The following ATP11C variants were observed in gnomAD, a reference collection of about 807,000 sequenced individuals.
ATP11C encodes ATPase phospholipid transporting 11C (ATP11C blood group), also known as phospholipid-transporting ATPase IG.
ATP11C carries 36 observed loss-of-function variants against 97.4 expected under a neutral mutation model. The observed-to-expected ratio is 0.37, with a 90% confidence interval of 0.28 to 0.49. The LOEUF (loss-of-function observed/expected upper bound fraction) is 0.49, where lower values mean the gene tolerates loss of function less well. ATP11C is among the 20% of genes least tolerant of loss of function. The pLI is 0.98. For synonymous variants in ATP11C, 275 were observed against 290.9 expected (o/e 0.95, Z 0.56); for missense variants, 730 against 824.6 (o/e 0.89, Z 1.40).
At chrX:139,778,866 C>T (rs1035735601) in intron 18 of ATP11C, among the ~76,000 whole-genome samples, 1 of 111,086 alleles carries the variant, frequency 9.0e-6, no homozygotes, top group Non-Finnish European at 1.9e-5. Flanking sequence ...GTAATGATGA[C>T]CACAAGCTAA....
chrX:139,741,120 T>G lies in ATP11C; in HGVS notation c.3031-26A>C. The G allele has an allele frequency of 7.0e-6, 7 of 999,346 alleles. No homozygotes were observed. In the South Asian group the frequency reaches 9.7e-5, roughly 14 times the overall value. The allele number at this position is 999,346 out of a possible 1,213,427, so 82.4% of individuals were successfully genotyped here. On this transcript the variant is annotated intron_variant, in intron 26 of 29. Transcript: ENST00000682941. Reference sequence around the variant, plus strand: ...CTGAAAAGATACAACACAAAAGATTTCACGACGGTTACGAATTGCACCAGG... The same window carrying G: ...CTGAAAAGATACAACACAAAAGATTGCACGACGGTTACGAATTGCACCAGG...
chrX:139,896,617 G>C (rs1265548425), intron 1 of ATP11C, among the ~76,000 whole-genome samples: 1 of 91,885 alleles, frequency 1.1e-5, no homozygotes, highest in Non-Finnish European at 2.0e-5. Context: ...TCTTGAGAAA[G>C]AGTCTCTCTC....
intron 1 of ATP11C, among the ~76,000 whole-genome samples, chrX:139,852,129 T>C (rs190129605): frequency 2.5e-3 from 261 of 106,281 alleles, no homozygotes; most frequent in Non-Finnish European, 4.2e-3. Flanking sequence ...GATGTTATCA[T>C]GCAAAAAAAA....
At chrX:139,799,644 CTTT>C (rs754371113) in intron 8 of ATP11C, among the ~76,000 whole-genome samples, 8 of 60,364 alleles carry the variant, frequency 1.3e-4, no homozygotes, top group African/African-American at 4.8e-4. Flanking sequence ...CTTTATATTC[CTTT>C]TTTTTTTTTT....
intron 1 of ATP11C, among the ~76,000 whole-genome samples, chrX:139,908,104 G>A (rs2085012617): frequency 9.0e-6 from 1 of 111,206 alleles, no homozygotes; most frequent in South Asian, 3.8e-4. Context: ...AAATCCAAAT[G>A]CTCCCCAGAA....
intron 1 of ATP11C, among the ~76,000 whole-genome samples, chrX:139,905,481 A>G (rs1051009783): frequency 4.5e-5 from 5 of 111,608 alleles, no homozygotes; most frequent in African/African-American, 1.6e-4. Context: ...TTATATAACA[A>G]TGTTTCTTAT....
intron 1 of ATP11C, among the ~76,000 whole-genome samples, chrX:139,898,613 G>T (rs2096296872): frequency 9.0e-6 from 1 of 110,969 alleles, no homozygotes; most frequent in Non-Finnish European, 1.9e-5. Flanking sequence ...AATACGTTAG[G>T]TTCCAACTAA....
intron 4 of ATP11C, among the ~76,000 whole-genome samples, chrX:139,815,241 T>C (rs1016334508): frequency 1.8e-5 from 2 of 112,264 alleles, no homozygotes; most frequent in African/African-American, 6.5e-5. Flanking sequence ...ACACAAGCAC[T>C]GGAGACTTAA....
chrX:139,731,611 C>A (rs758494464), intron 29 of ATP11C, 40 bp downstream of exon 29: 3 of 904,075 alleles, frequency 3.3e-6, no homozygotes, highest in African/African-American at 2.0e-5. Flanking sequence ...GCTGTTAATC[C>A]GATTTTTTAA....
intron 1 of ATP11C, among the ~76,000 whole-genome samples, chrX:139,842,028 T>G (rs1188110153): frequency 9.0e-6 from 1 of 111,197 alleles, no homozygotes; most frequent in Non-Finnish European, 1.9e-5. Context: ...CAGGTTTTTT[T>G]GTTTTGTTTT....
chrX:139,813,170 AAG>A (rs1177663245), intron 5 of ATP11C, among the ~76,000 whole-genome samples: 2 of 112,126 alleles, frequency 1.8e-5, no homozygotes, highest in Non-Finnish European at 3.8e-5. Context: ...ACCATATGAA[AAG>A]AAAGTCCATA....
At chrX:139,787,306 TA>T (rs1348641163) in intron 14 of ATP11C, 62 bp from the exon 15 acceptor site, 10 of 988,467 alleles carry the variant, frequency 1.0e-5, no homozygotes, top group East Asian at 3.5e-5. Context: ...TTTTTATTAT[TA>T]TTTTTTTTGA....
intron 1 of ATP11C, among the ~76,000 whole-genome samples, chrX:139,852,221 A>G (rs1215030432): frequency 9.1e-6 from 1 of 110,167 alleles, no homozygotes; most frequent in Non-Finnish European, 1.9e-5. Context: ...ACCCTTCTAT[A>G]CAGAAGTACC....
In ATP11C at chrX:139,783,224, A is replaced by G; in HGVS notation, c.1710T>C (p.Phe570=). The G allele has an allele frequency of 3.3e-6, 4 of 1,207,977 alleles. No homozygotes were observed. Among genetic ancestry groups the G allele is most frequent in the Non-Finnish European group, 4.5e-6 (4 of 892,589 alleles). Residue 570 remains phenylalanine (F), a synonymous_variant, in exon 17 of 30, where the codon TTT becomes TTC. Transcript: ENST00000682941. Reference sequence around the variant, plus strand: ...CAATTTCATGATTTTGCACTCTGGGAAAAACTGCCGAGTCTGCTCCTTTAC... The same window carrying G: ...CAATTTCATGATTTTGCACTCTGGGGAAAACTGCCGAGTCTGCTCCTTTAC... ...LFCKGADSAV[F]PRVQNHEIEL...
chrX:139,922,194 G>C (rs1412649079), intron 1 of ATP11C, among the ~76,000 whole-genome samples: 4 of 89,178 alleles, frequency 4.5e-5, no homozygotes, highest in African/African-American at 1.6e-4. Flanking sequence ...AACAGAGCAA[G>C]ACTGTCTCTC....
rs777491256 is a variant in ATP11C, at chrX:139,863,731, C to G, written c.28-36908G>C. Among the ~76,000 whole-genome samples, 5 of 109,099 alleles carry G rather than the reference C, an allele frequency of 4.6e-5. No individual in the cohort carries two copies. The South Asian group carries it at 1.6e-3, about 35-fold the overall frequency. The allele number at this position is 109,099 out of a possible 115,157, so 94.7% of individuals were successfully genotyped here. A position where few individuals can be genotyped will look rare whatever the true frequency, so the allele number is the denominator to read the frequency against. ...GTACATTTCCAAAGAATGTTGAAGC[C>G]ATAAGAAAAAACATTCTTAAAATAT... On this transcript the variant is annotated intron_variant, in intron 1 of 29. Coordinates refer to ENST00000682941, the MANE Select transcript of ATP11C (RefSeq NM_001353812.2).
intron 2 of ATP11C, among the ~76,000 whole-genome samples, chrX:139,824,036 G>T (rs187820473): frequency 9.4e-6 from 1 of 106,916 alleles, no homozygotes. Flanking sequence ...CGGCACTTTC[G>T]GAGGCTGAGG....
chrX:139,800,129 T>A lies in ATP11C; in HGVS notation c.660-19A>T. 8.8e-7 allele frequency: 1 copy of A among 1,141,701 alleles called. No homozygotes were observed. The highest frequency in any genetic ancestry group is 1.2e-6 in the Non-Finnish European group (1 of 841,805). The allele number at this position is 1,141,701 out of a possible 1,213,427, so 94.1% of individuals were successfully genotyped here. A position where few individuals can be genotyped will look rare whatever the true frequency, so the allele number is the denominator to read the frequency against. Reference sequence around the variant, plus strand: ...AACAAATCTGTAAAAAGAACAAAATTGCAAATGTGTTTTCTACATCCAGGT... The same window carrying A: ...AACAAATCTGTAAAAAGAACAAAATAGCAAATGTGTTTTCTACATCCAGGT... On this transcript the variant is annotated intron_variant, in intron 7 of 29. Transcript: ENST00000682941.
chrX:139,741,716 G>C (rs762089311), intron 26 of ATP11C, among the ~76,000 whole-genome samples: 1 of 111,773 alleles, frequency 8.9e-6, no homozygotes, highest in Non-Finnish European at 1.9e-5. Context: ...TATTCAGTTA[G>C]ATTTTAATCT....
Sources: gnomAD v4.1 joint callset for allele counts (sites outside exome capture counted in the v4.1 genomes callset) on GRCh38, gnomAD v4.1.1 for gene constraint, MANE v1.5 for transcripts, NCBI Gene and HGNC (gene_info 2026-07-23, HGNC 2026-07-21) for gene names.